Variants in FBXL4 observed in about 807,000 individuals in gnomAD.
FBXL4 encodes F-box/LRR-repeat protein 4.
Under a neutral mutation model 58.9 loss-of-function variants are expected in FBXL4, and 40 were observed. The observed-to-expected ratio is 0.68, with a 90% CI of 0.53 to 0.88. FBXL4 has a LOEUF of 0.88. Among genes scored for constraint, FBXL4 ranks in the 40% least tolerant of loss-of-function variants. The pLI, the probability that FBXL4 is intolerant of heterozygous loss-of-function variation, is 0.00. For synonymous variants in FBXL4, 263 were observed against 265.5 expected (o/e 0.99, Z 0.09); for missense variants, 676 against 734.4 (o/e 0.92, Z 0.92).
intron 5 of FBXL4, among the ~76,000 whole-genome samples, chr6:98,914,412 A>C (rs1772241570): frequency 6.6e-6 from 1 of 152,228 alleles, no homozygotes; most frequent in African/African-American, 2.4e-5. Flanking sequence ...ATGCAAAAAA[A>C]TCCTCAATAA....
intron 7 of FBXL4, chr6:98,898,804 C>A (rs1771498885): frequency 1.0e-6 from 1 of 985,180 alleles, no homozygotes; most frequent in African/African-American, 1.7e-5. Context: ...AGTGAAAAAG[C>A]AAGTAGACTA....
chr6:98,871,174 A>T lies in FBXL4; in HGVS notation c.*3104T>A, dbSNP rs1057228988. The stretch of plus-strand genomic sequence containing the variant: ...AAGCAAGGAAAACATTTTACTAACG[A>T]TAACTAAATTGTGTTTGATTCTATC... On this transcript the variant is annotated 3_prime_UTR_variant, in exon 10 of 10. Transcript: ENST00000369244. 13 of 152,208 alleles carry T rather than the reference A, an allele frequency of 8.5e-5. No individual in the cohort carries two copies. Among genetic ancestry groups the T allele is most frequent in the African/African-American group, 3.1e-4 (13 of 41,462 alleles). The allele number at this position is 152,208 out of a possible 1,614,324, so 9.4% of individuals were successfully genotyped here. A position where few individuals can be genotyped will look rare whatever the true frequency, so the allele number is the denominator to read the frequency against.
intron 4 of FBXL4, among the ~76,000 whole-genome samples, chr6:98,922,786 T>C (rs1772632384): frequency 6.6e-6 from 1 of 152,214 alleles, no homozygotes; most frequent in Non-Finnish European, 1.5e-5. Context: ...CATAAACTTT[T>C]ATGAAATAAT....
intron 7 of FBXL4, among the ~76,000 whole-genome samples, chr6:98,897,820 C>T (rs1227003422): frequency 6.6e-6 from 1 of 152,172 alleles, no homozygotes; most frequent in Non-Finnish European, 1.5e-5. Flanking sequence ...AAACCATTCC[C>T]ACCAGAACTA....
chr6:98,883,026 T>A (rs1353549047), intron 7 of FBXL4, among the ~76,000 whole-genome samples: 1 of 152,056 alleles, frequency 6.6e-6, no homozygotes, highest in Non-Finnish European at 1.5e-5. Flanking sequence ...ATAGCTCTTC[T>A]GAGTGCTTAA....
chr6:98,869,468 AT>A lies in FBXL4; in HGVS notation c.*4809del, dbSNP rs1770438720. On this transcript the variant is annotated 3_prime_UTR_variant, in exon 10 of 10. Coordinates refer to ENST00000369244, the MANE Select transcript of FBXL4 (RefSeq NM_001278716.2). ...GGCAACATGGAAAGACTGTGTCTCT[AT>A]AAAAAATAAAAAAATTAGCCAGGTG... 1 of 152,210 alleles carries A rather than the reference AT, an allele frequency of 6.6e-6. No individual in the cohort carries two copies. Among genetic ancestry groups the A allele is most frequent in the Admixed American group, 6.5e-5 (1 of 15,276 alleles). 9.4% of individuals were successfully genotyped at this position (152,210 alleles called of 1,614,324 possible).
Position 98,875,701 on chromosome 6 carries a change from G to A in FBXL4, c.1416C>T (p.Ser472=). The A allele has an allele frequency of 6.2e-7, 1 of 1,613,646 alleles. No individual in the cohort carries two copies. Among genetic ancestry groups the A allele is most frequent in the South Asian group, 1.1e-5 (1 of 91,072 alleles). ...GTTTTTTACACTTGGCTCCTATCAT[G>A]CTAGCTATCACATCATAGTCTTCAA... is the stretch of plus-strand genomic sequence containing the variant. The part of the protein sequence containing the change: ...VMIEDYDVIA[S]MIGAKCKKLR... The change falls in exon 9 of 10, where the codon AGC becomes AGT. Residue 472 remains serine (S), a synonymous_variant. Coordinates refer to ENST00000369244, the MANE Select transcript of FBXL4 (RefSeq NM_001278716.2).
At chr6:98,910,123 G>C (rs1771975913) in intron 5 of FBXL4, among the ~76,000 whole-genome samples, 1 of 152,148 alleles carries the variant, frequency 6.6e-6, no homozygotes, top group South Asian at 2.1e-4. Context: ...TCCTTAAAAA[G>C]AAAACTGATA....
rs1224291021 is a variant in FBXL4 at position 98,869,094 on chromosome 6, G to C, written c.*5184C>G. 1 of 152,138 alleles carries C rather than the reference G, an allele frequency of 6.6e-6. No individual in the cohort carries two copies. The highest frequency in any genetic ancestry group is 1.5e-5 in the Non-Finnish European group (1 of 68,020). 9.4% of individuals were successfully genotyped at this position (152,138 alleles called of 1,614,324 possible). On this transcript the variant is annotated 3_prime_UTR_variant, in exon 10 of 10. Transcript: ENST00000369244. ...TTATGGTTTTACACTCACAGCCTAG[G>C]TTTCTAGTAGTATGTTGTCAAAAAA...
rs1176440763 is a variant in FBXL4 at position 98,873,713 on chromosome 6, G to A, written c.*565C>T. 2 of 152,198 alleles carry A rather than the reference G, an allele frequency of 1.3e-5. No individual in the cohort carries two copies. Among genetic ancestry groups the A allele is most frequent in the African/African-American group, 4.8e-5 (2 of 41,396 alleles). 9.4% of individuals were successfully genotyped at this position (152,198 alleles called of 1,614,324 possible). A position where few individuals can be genotyped will look rare whatever the true frequency, so the allele number is the denominator to read the frequency against. ...TAATCCTCCTGCCTCCACCTCCTGT[G>A]TCGCTAGGACTACAAGTGTGTGCCA... On this transcript the variant is annotated 3_prime_UTR_variant, in exon 10 of 10. Coordinates refer to ENST00000369244, the MANE Select transcript of FBXL4 (RefSeq NM_001278716.2).
chr6:98,920,361 C>T (rs1772532606), intron 4 of FBXL4, among the ~76,000 whole-genome samples: 1 of 151,774 alleles, frequency 6.6e-6, no homozygotes. Flanking sequence ...TTCTATATCG[C>T]ATAAAGATTA....
chr6:98,890,234 CA>C lies in FBXL4; in HGVS notation c.1317+9033del, dbSNP rs139795229. ...CACTCAATATAGGACAGTAGGATTC[CA>C]AATTAGTATTCTCCATTCTAAAACA... is the stretch of plus-strand genomic sequence containing the variant. On this transcript the variant is annotated intron_variant, in intron 7 of 9. Coordinates refer to ENST00000369244, the MANE Select transcript of FBXL4 (RefSeq NM_001278716.2). Among the ~76,000 whole-genome samples the C allele has an allele frequency of 6.6e-5, 10 of 152,092 alleles. No individual in the cohort carries two copies. In the East Asian group the frequency reaches 1.9e-3, roughly 29 times the overall value.
intron 5 of FBXL4, among the ~76,000 whole-genome samples, chr6:98,916,334 A>G (rs1051073751): frequency 5.9e-5 from 9 of 152,138 alleles, no homozygotes; most frequent in Admixed American, 2.6e-4. Flanking sequence ...CCCAAAGGAC[A>G]ATAAATCATG....
intron 2 of FBXL4, among the ~76,000 whole-genome samples, chr6:98,934,171 A>T (rs1309731718): frequency 6.6e-6 from 1 of 152,206 alleles, no homozygotes; most frequent in Non-Finnish European, 1.5e-5. Context: ...AAAGAAAGCC[A>T]TTTCCTCAAA....
intron 4 of FBXL4, among the ~76,000 whole-genome samples, chr6:98,921,265 C>T (rs1475425592): frequency 6.6e-6 from 1 of 152,052 alleles, no homozygotes; most frequent in Non-Finnish European, 1.5e-5. Flanking sequence ...AACCAGGAAG[C>T]AGTGGGTAGA....
chr6:98,941,931 TA>T (rs1215126559), intron 1 of FBXL4, among the ~76,000 whole-genome samples: 1 of 151,930 alleles, frequency 6.6e-6, no homozygotes, highest in Non-Finnish European at 1.5e-5. Context: ...CAAACTAACT[TA>T]AAAAAATTCT....
intron 7 of FBXL4, chr6:98,897,010 T>C (rs1472386257): frequency 2.0e-6 from 2 of 985,014 alleles, no homozygotes; most frequent in African/African-American, 3.5e-5. Context: ...TCTCATGGGA[T>C]ATATTTTCAC....
chr6:98,910,928 G>A (rs1359306633), intron 5 of FBXL4, among the ~76,000 whole-genome samples: 5 of 152,182 alleles, frequency 3.3e-5, no homozygotes, highest in Non-Finnish European at 5.9e-5. Flanking sequence ...TCCTGGTCAA[G>A]GAAAGGGGTG....
intron 7 of FBXL4, among the ~76,000 whole-genome samples, chr6:98,892,149 T>C (rs1361208437): frequency 6.6e-6 from 1 of 152,174 alleles, no homozygotes; most frequent in Non-Finnish European, 1.5e-5. Context: ...TAATTAAACT[T>C]ATTATCAGCT....
Sources: gnomAD v4.1 joint callset for allele counts (sites outside exome capture counted in the v4.1 genomes callset) on GRCh38, gnomAD v4.1.1 for gene constraint, MANE v1.5 for transcripts, NCBI Gene and HGNC (gene_info 2026-07-23, HGNC 2026-07-21) for gene names.